Variants in IGF2BP3 observed in about 807,000 individuals in gnomAD.
IGF2BP3 encodes the protein insulin like growth factor 2 mRNA binding protein 3, also known as insulin-like growth factor 2 mRNA-binding protein 3.
A neutral mutation model predicts 73.8 loss-of-function variants in IGF2BP3; 9 were observed. That is an observed-to-expected ratio of 0.12 (90% CI 0.07 to 0.21). The LOEUF is 0.21. Ranked by LOEUF, IGF2BP3 falls within the 10% of genes least tolerant of loss-of-function variation. The probability of loss-of-function intolerance (pLI) is 1.00; values close to 1 mark genes in which losing one functional copy is unlikely to be tolerated. For synonymous variants in IGF2BP3, 258 were observed against 256.7 expected (o/e 1.01, Z -0.05); for missense variants, 542 against 714.0 (o/e 0.76, Z 2.75).
intron 2 of IGF2BP3, among the ~76,000 whole-genome samples, chr7:23,445,399 A>C (rs1299724383): frequency 1.3e-5 from 2 of 152,124 alleles, no homozygotes; most frequent in African/African-American, 4.8e-5. Context: ...TAGTATGACT[A>C]AGTAAAACTG....
At chr7:23,385,315 G>A (rs1425603391) in intron 3 of IGF2BP3, among the ~76,000 whole-genome samples, 2 of 152,166 alleles carry the variant, frequency 1.3e-5, no homozygotes, top group African/African-American at 2.4e-5. Context: ...GAGGGAGAAA[G>A]AAAGTGAATC....
intron 10 of IGF2BP3, among the ~76,000 whole-genome samples, chr7:23,320,104 G>GTT (rs1784095780): frequency 1.3e-5 from 2 of 151,420 alleles, no homozygotes; most frequent in East Asian, 3.9e-4. Flanking sequence ...TAGAGATAGG[G>GTT]TTTCACCATG....
chr7:23,378,190 T>C (rs143217928), intron 3 of IGF2BP3, among the ~76,000 whole-genome samples: 1 of 152,252 alleles, frequency 6.6e-6, no homozygotes, highest in East Asian at 1.9e-4. Context: ...TGTTGAAAAA[T>C]GCCTAATCAT....
chr7:23,375,111 C>T (rs1412322316), intron 3 of IGF2BP3, among the ~76,000 whole-genome samples: 1 of 152,106 alleles, frequency 6.6e-6, no homozygotes, highest in African/African-American at 2.4e-5. Context: ...CTGTTTTAAA[C>T]ATTTTATATA....
intron 11 of IGF2BP3, 96 bp from the exon 12 acceptor site, chr7:23,317,809 A>G (rs1784032215): frequency 1.0e-6 from 1 of 989,050 alleles, no homozygotes; most frequent in Non-Finnish European, 1.6e-6. Flanking sequence ...ACTGGCTGAA[A>G]TGCAGAATTA....
At chr7:23,320,334 T>C (rs1008168338) in intron 10 of IGF2BP3, among the ~76,000 whole-genome samples, 1 of 152,180 alleles carries the variant, frequency 6.6e-6, no homozygotes, top group Admixed American at 6.5e-5. Flanking sequence ...TTCAAGCCAG[T>C]TGTGCCCTTC....
chr7:23,425,721 C>T (rs147511729), intron 2 of IGF2BP3, among the ~76,000 whole-genome samples: 3 of 152,268 alleles, frequency 2.0e-5, no homozygotes, highest in Non-Finnish European at 4.4e-5. Context: ...CATGCTTCTC[C>T]CCCAACCCTC....
chr7:23,319,293 C>G, intron 10 of IGF2BP3, 39 bp from the exon 11 acceptor site: 1 of 1,343,658 alleles, frequency 7.4e-7, no homozygotes. Context: ...TGTTTATTTG[C>G]TACAAATCAG....
chr7:23,457,377 A>G lies in IGF2BP3; in HGVS notation c.236+11105T>C, dbSNP rs182160311. On this transcript the variant is annotated intron_variant, in intron 2 of 14. Coordinates refer to ENST00000258729, the MANE Select transcript of IGF2BP3 (RefSeq NM_006547.3). ...CTGCTCAGGAGGCTGAAGCATGAGA[A>G]TCCCTTGAACCCGGCAGGTGGAGGT... Among the ~76,000 whole-genome samples, 788 of 151,996 alleles carry G rather than the reference A, an allele frequency of 5.2e-3. 4 individuals carry two copies. Among genetic ancestry groups the G allele is most frequent in the Non-Finnish European group, 8.4e-3 (569 of 67,956 alleles).
chr7:23,343,026 T>G (rs1262684738), intron 9 of IGF2BP3, among the ~76,000 whole-genome samples: 1 of 152,256 alleles, frequency 6.6e-6, no homozygotes, highest in African/African-American at 2.4e-5. Context: ...AAAATTATTT[T>G]TTAAAGTCAT....
chr7:23,378,573 T>G (rs923967162), intron 3 of IGF2BP3, among the ~76,000 whole-genome samples: 5 of 129,698 alleles, frequency 3.9e-5, no homozygotes, highest in Non-Finnish European at 8.0e-5. Flanking sequence ...TTGCTTGTTT[T>G]TTTTTTTTTT....
chr7:23,324,766 T>C (rs1784248244), intron 10 of IGF2BP3, among the ~76,000 whole-genome samples: 2 of 111,766 alleles, frequency 1.8e-5, no homozygotes, highest in Non-Finnish European at 3.5e-5. Flanking sequence ...GCTGGTTCAA[T>C]ATACACAAAT....
intron 3 of IGF2BP3, among the ~76,000 whole-genome samples, chr7:23,410,237 G>A (rs1361603701): frequency 6.6e-6 from 1 of 151,966 alleles, no homozygotes; most frequent in Non-Finnish European, 1.5e-5. Flanking sequence ...TGCACCTGTA[G>A]TCCCAGCTAC....
intron 2 of IGF2BP3, among the ~76,000 whole-genome samples, chr7:23,439,826 C>G (rs541159091): frequency 6.6e-6 from 1 of 152,102 alleles, no homozygotes. Flanking sequence ...AAGATAGAAA[C>G]AAATGGCTCT....
intron 12 of IGF2BP3, among the ~76,000 whole-genome samples, chr7:23,313,909 T>A (rs1356553920): frequency 1.3e-5 from 2 of 152,242 alleles, no homozygotes; most frequent in Admixed American, 1.3e-4. Flanking sequence ...ATGAAAACAG[T>A]TAAAGGCAAT....
At chr7:23,443,069 TCA>T (rs1787973241) in intron 2 of IGF2BP3, among the ~76,000 whole-genome samples, 1 of 149,770 alleles carries the variant, frequency 6.7e-6, no homozygotes, top group African/African-American at 2.4e-5. Flanking sequence ...GTAAACCGTA[TCA>T]ATCAGATCTA....
At chr7:23,457,815 T>C (rs1788357719) in intron 2 of IGF2BP3, among the ~76,000 whole-genome samples, 1 of 152,252 alleles carries the variant, frequency 6.6e-6, no homozygotes, top group African/African-American at 2.4e-5. Context: ...ACATTTTATG[T>C]ATTTTGAATT....
chr7:23,316,574 C>T (rs530035074), intron 12 of IGF2BP3, among the ~76,000 whole-genome samples: 2 of 147,996 alleles, frequency 1.4e-5, no homozygotes, highest in African/African-American at 2.5e-5. Context: ...ACTCGGGAGG[C>T]GGAGGCAGGA....
rs796277813 is a variant in IGF2BP3 at position 23,367,009 on chromosome 7, T to A, written c.286-5268A>T. 3.1e-3 allele frequency among the ~76,000 whole-genome samples: 454 copies of A among 147,950 alleles called. 10 individuals are homozygous for A. The highest frequency in any genetic ancestry group is 0.023 in the Admixed American group (347 of 14,916). Reference sequence around the variant, plus strand: ...TTTGCTTTTTTTTTTTTTTTTTTTTTAAAGACAGAGTCTTACTGGAGTGCA... The same window carrying A: ...TTTGCTTTTTTTTTTTTTTTTTTTTAAAAGACAGAGTCTTACTGGAGTGCA... On this transcript the variant is annotated intron_variant, in intron 3 of 14. Coordinates refer to ENST00000258729, the MANE Select transcript of IGF2BP3 (RefSeq NM_006547.3).
Sources: gnomAD v4.1 joint callset for allele counts (sites outside exome capture counted in the v4.1 genomes callset) on GRCh38, gnomAD v4.1.1 for gene constraint, MANE v1.5 for transcripts, NCBI Gene and HGNC (gene_info 2026-07-23, HGNC 2026-07-21) for gene names.